Variants in VPS13C observed in about 807,000 individuals in gnomAD.
VPS13C encodes the protein vacuolar protein sorting 13 homolog C.
A neutral mutation model predicts 456.8 loss-of-function variants in VPS13C; 358 were observed. That is an observed-to-expected ratio of 0.78 (90% CI 0.72 to 0.86). The LOEUF (loss-of-function observed/expected upper bound fraction) is 0.86, where lower values mean the gene tolerates loss of function less well. Ranked by LOEUF, VPS13C falls within the 40% of genes least tolerant of loss-of-function variation. VPS13C has a pLI of 0.00. For missense variants in VPS13C, 4,818 were observed against 4,385.4 expected (o/e 1.10, Z -2.79); for synonymous variants, 1,578 against 1,486.7 (o/e 1.06, Z -1.41).
chr15:61,929,698 A>G lies in VPS13C; in HGVS notation c.6089T>C (p.Ile2030Thr), dbSNP rs139101195. 5.6e-6 allele frequency: 9 copies of G among 1,613,792 alleles called. No homozygotes were observed. In the East Asian group the frequency reaches 6.7e-5, roughly 12 times the overall value. ...DQDNNSSMID[I>T]SYKQDKNGSQ... ...TCCATTTTTGTCTTGTTTGTAACTT[A>G]TATCAATCATAGAACTGTTGTTATC... The change falls in exon 51 of 85, where the codon ATA becomes ACA. Residue 2030 changes from isoleucine to threonine, a missense_variant. By Grantham distance (89) the Ile-to-Thr change is moderately conservative. Around this residue, in one of 3 missense-constraint regions of VPS13C, gnomAD observed 4,552 missense variants for 4,130.6 expected, o/e 1.10. Transcript: ENST00000644861.
intron 3 of VPS13C, among the ~76,000 whole-genome samples, chr15:62,037,293 T>A (rs28684908): frequency 5.6e-5 from 3 of 53,462 alleles, no homozygotes; most frequent in African/African-American, 2.2e-4. Flanking sequence ...ATATATTATA[T>A]TATATAATAT....
chr15:61,872,454 A>G (rs1464597229), intron 78 of VPS13C, among the ~76,000 whole-genome samples: 4 of 152,106 alleles, frequency 2.6e-5, no homozygotes, highest in Non-Finnish European at 2.9e-5. Context: ...GGAAGTGTAG[A>G]AAACTGAAAA....
At chr15:62,014,218 T>C (rs550088875) in intron 9 of VPS13C, among the ~76,000 whole-genome samples, 2 of 152,184 alleles carry the variant, frequency 1.3e-5, no homozygotes, top group Admixed American at 1.3e-4. Flanking sequence ...CAGAAAATAA[T>C]TACTGGGTTA....
At chr15:62,003,526 A>C (rs1012346660) in intron 15 of VPS13C, among the ~76,000 whole-genome samples, 1 of 152,068 alleles carries the variant, frequency 6.6e-6, no homozygotes, top group Admixed American at 6.5e-5. Flanking sequence ...TCTCCTGCCT[A>C]ATTGCCCTGG....
In VPS13C at chr15:61,972,625, T is replaced by G; in HGVS notation, c.2757A>C (p.Glu919Asp). Residue 919 changes from glutamate (E) to aspartate (D), a missense_variant and splice_region_variant, in exon 27 of 85, where the codon GAA becomes GAC. Transcript: ENST00000644861. ...TATTTATAGACAAAAAAGCACATACTTCTTTAATTTCAAACTTGAGTAGAA... is the reference window on the plus strand; with the variant it reads ...TATTTATAGACAAAAAAGCACATACGTCTTTAATTTCAAACTTGAGTAGAA... ...INLLLKFEIK[E>D]VILEFTKQQK... The G allele has an allele frequency of 6.2e-7, 1 of 1,612,356 alleles. No homozygotes were observed. Among genetic ancestry groups the G allele is most frequent in the Non-Finnish European group, 8.5e-7 (1 of 1,179,422 alleles).
chr15:62,013,983 C>A lies in VPS13C; in HGVS notation c.694G>T (p.Glu232Ter), dbSNP rs1469754354. Residue 232 changes from glutamate to a stop codon, truncating the protein, a stop_gained, in exon 10 of 85, where the codon GAA becomes TAA. Coordinates refer to ENST00000644861, the MANE Select transcript of VPS13C (RefSeq NM_020821.3). LOFTEE classifies it high-confidence loss of function. ...TTTAATATGCATGGAGTCCAGTGTT[C>A]ATTTGCAGTCTAAAAGAAAAAAGGG... ...LGELSLLTAN[E>*]HWTPCILNEA... 2 of 1,609,560 alleles carry A rather than the reference C, an allele frequency of 1.2e-6. No individual in the cohort carries two copies. The highest frequency in any genetic ancestry group is 1.3e-5 in the African/African-American group (1 of 74,752).
chr15:61,880,993 A>G, intron 71 of VPS13C, 39 bp from the exon 72 acceptor site: 1 of 1,500,882 alleles, frequency 6.7e-7, no homozygotes, highest in Non-Finnish European at 9.1e-7. Flanking sequence ...GATTTCTACC[A>G]AATCTTTTAA....
chr15:61,866,343 TAA>T, intron 81 of VPS13C: 15 of 983,574 alleles, frequency 1.5e-5, no homozygotes, highest in Non-Finnish European at 1.8e-5. Context: ...ACAAAATAAT[TAA>T]AAGTTTCTTG....
chr15:62,035,864 T>A (rs936031954), intron 3 of VPS13C, among the ~76,000 whole-genome samples: 5 of 152,030 alleles, frequency 3.3e-5, no homozygotes, highest in African/African-American at 1.2e-4. Context: ...GCCCTAATAT[T>A]ACTGTCCCAA....
intron 15 of VPS13C, among the ~76,000 whole-genome samples, chr15:62,002,410 T>C (rs2046658056): frequency 6.6e-6 from 1 of 152,348 alleles, no homozygotes; most frequent in East Asian, 1.9e-4. Flanking sequence ...TTATAGATTC[T>C]GGATATTAGT....
chr15:61,909,695 T>C (rs896692040), intron 64 of VPS13C, among the ~76,000 whole-genome samples: 6 of 152,240 alleles, frequency 3.9e-5, no homozygotes, highest in Non-Finnish European at 8.8e-5. Flanking sequence ...GAAAACTTCA[T>C]CTATGTCCCT....
At chr15:61,925,278 C>CA (rs2043810596) in intron 53 of VPS13C, among the ~76,000 whole-genome samples, 178 bp downstream of exon 53, 1 of 151,822 alleles carries the variant, frequency 6.6e-6, no homozygotes, top group South Asian at 2.1e-4. Context: ...AAAATAGAAA[C>CA]AAACATTTGC....
intron 3 of VPS13C, among the ~76,000 whole-genome samples, chr15:62,037,688 G>A (rs1311957199): frequency 2.4e-5 from 3 of 123,314 alleles, no homozygotes; most frequent in Non-Finnish European, 5.0e-5. Context: ...TACGTAACAT[G>A]TGCATAAATA....
At chr15:62,028,000 G>T (rs1390892449) in intron 6 of VPS13C, among the ~76,000 whole-genome samples, 2 of 151,986 alleles carry the variant, frequency 1.3e-5, no homozygotes, top group Non-Finnish European at 2.9e-5. Flanking sequence ...TATCAGAGAG[G>T]AACTGCTTAA....
At chr15:61,868,590 C>G in intron 81 of VPS13C, 69 bp downstream of exon 81, 1 of 1,352,330 alleles carries the variant, frequency 7.4e-7, no homozygotes. Flanking sequence ...TAAGAACCAC[C>G]TAGGAAATCC....
At chr15:62,010,671 G>A in intron 12 of VPS13C, 72 bp from the exon 13 acceptor site, 2 of 1,378,062 alleles carry the variant, frequency 1.5e-6, no homozygotes, top group Non-Finnish European at 1.9e-6. Context: ...ATAATTATGA[G>A]AACACTGTTA....
chr15:62,018,636 C>G (rs2047344588), intron 9 of VPS13C, among the ~76,000 whole-genome samples: 2 of 151,708 alleles, frequency 1.3e-5, no homozygotes, highest in African/African-American at 2.4e-5. Context: ...AGGGATGAAG[C>G]CTTCTTGTCC....
At position 61,952,737 on chromosome 15, in the gene VPS13C, G is replaced by C. The variant is rs114407842; in HGVS notation, c.4300-757C>G. Among the ~76,000 whole-genome samples the C allele has an allele frequency of 6.9e-3, 1,052 of 152,192 alleles. 9 individuals carry two copies. The highest frequency in any genetic ancestry group is 0.024 in the African/African-American group (1,003 of 41,520). On this transcript the variant is annotated intron_variant, in intron 38 of 84. Transcript: ENST00000644861. ...TTGTTTATTGACTGATTGATTGTTA[G>C]AGACAGGGTCTTGCTCTGTCACCCA...
chr15:62,051,755 T>C (rs1242052132), intron 1 of VPS13C, among the ~76,000 whole-genome samples: 1 of 152,070 alleles, frequency 6.6e-6, no homozygotes, highest in Non-Finnish European at 1.5e-5. Context: ...AACGGTAGGA[T>C]AGAGTCAAGG....
Sources: gnomAD v4.1 joint callset for allele counts (sites outside exome capture counted in the v4.1 genomes callset) on GRCh38, gnomAD v4.1.1 for gene constraint, gnomAD v4.1.1 regional missense constraint, MANE v1.5 for transcripts, NCBI Gene and HGNC (gene_info 2026-07-23, HGNC 2026-07-21) for gene names.